EXD3: variants seen among roughly 807,000 people sequenced by gnomAD.
EXD3 encodes exonuclease 3'-5' domain containing 3, also known as exonuclease mut-7 homolog.
In EXD3, 92 loss-of-function variants were observed where a neutral mutation model predicts 98.0. The ratio of observed to expected loss-of-function variants is 0.94; its 90% confidence interval spans 0.79 to 1.12. The LOEUF is 1.12. EXD3 is among the 50% of genes most tolerant of loss of function. The pLI, the probability that EXD3 is intolerant of heterozygous loss-of-function variation, is 0.00. For synonymous variants in EXD3, 569 were observed against 526.0 expected, an observed-to-expected ratio of 1.08 and a Z score of -1.12; for missense variants, 1,222 against 1,191.6, an observed-to-expected ratio of 1.03 and a Z score of -0.38.
intron 19 of EXD3, among the ~76,000 whole-genome samples, chr9:137,320,392 C>T (rs1048592519): frequency 6.6e-6 from 1 of 152,218 alleles, no homozygotes; most frequent in African/African-American, 2.4e-5. Flanking sequence ...GCTGGCGCTG[C>T]CCTCTCCAGC....
chr9:137,366,369 C>T, intron 7 of EXD3, 124 bp downstream of exon 7: 1 of 1,397,696 alleles, frequency 7.2e-7, no homozygotes, highest in Middle Eastern at 1.7e-4. Context: ...CAGCTGTGAC[C>T]CAAACACCAG....
chr9:137,408,546 C>CAAAAAAAAAAAAAAAAAAAAAAAAAAAAA (rs570243090), intron 1 of EXD3, among the ~76,000 whole-genome samples: 18 of 44,460 alleles, frequency 4.0e-4, no homozygotes, highest in Non-Finnish European at 5.6e-4. Context: ...GACTCTGCCT[C>CAAAAAAAAAAAAAAAAAAAAAAAAAAAAA]AAAAAAAAAA....
intron 19 of EXD3, among the ~76,000 whole-genome samples, chr9:137,319,459 C>T (rs1436156766): frequency 2.0e-5 from 3 of 152,216 alleles, no homozygotes; most frequent in Non-Finnish European, 4.4e-5. Flanking sequence ...TTCCCAGCTG[C>T]CTGCTCAGGC....
At chr9:137,335,012 G>A (rs925689354) in intron 17 of EXD3, among the ~76,000 whole-genome samples, 2 of 152,012 alleles carry the variant, frequency 1.3e-5, no homozygotes, top group Admixed American at 6.6e-5. Flanking sequence ...GGGAGGTAGA[G>A]GTTGCAGTGA....
chr9:137,362,269 T>C (rs1383053310), intron 7 of EXD3, among the ~76,000 whole-genome samples: 2 of 152,082 alleles, frequency 1.3e-5, no homozygotes, highest in Admixed American at 6.6e-5. Context: ...CCTAACAAAA[T>C]TTAAGCAAAT....
intron 5 of EXD3, among the ~76,000 whole-genome samples, chr9:137,368,893 C>T (rs1257451004): frequency 9.1e-6 from 1 of 109,812 alleles, no homozygotes; most frequent in Non-Finnish European, 1.9e-5. Flanking sequence ...AGGTCCGGGG[C>T]GGGGCCCCAG....
Position 137,347,968 on chromosome 9 carries a change from C to T in EXD3, c.1998+103G>A, listed in dbSNP as rs1588311201. ...GAGCCTGCCTGGCACAGCTGGCAGC[C>T]ATGGATGAGCTGGAGGGAGGAGTTT... On this transcript the variant is annotated intron_variant, in intron 17 of 21. Transcript: ENST00000340951. The surrounding 1 kb of genome is among the most constrained non-coding windows in gnomAD (Gnocchi z 4.2). 7.4e-7 allele frequency: 1 copy of T among 1,348,302 alleles called. No homozygotes were observed. The highest frequency in any genetic ancestry group is 2.5e-5 in the East Asian group (1 of 39,460). 83.5% of individuals were successfully genotyped at this position (1,348,302 alleles called of 1,614,324 possible).
chr9:137,367,684 A>G, intron 6 of EXD3: 1 of 456,942 alleles, frequency 2.2e-6, no homozygotes. Context: ...CAGCTGCTGC[A>G]CGGAGCACAC....
chr9:137,418,376 C>T (rs762634508), intron 1 of EXD3, among the ~76,000 whole-genome samples: 1 of 152,136 alleles, frequency 6.6e-6, no homozygotes, highest in Non-Finnish European at 1.5e-5. Flanking sequence ...AACAAACAAA[C>T]GTCTGAGTCA....
intron 14 of EXD3, 113 bp downstream of exon 14, chr9:137,350,925 C>A: frequency 1.2e-6 from 1 of 812,716 alleles, no homozygotes; most frequent in Admixed American, 2.4e-5. Context: ...GCTGTGCTGA[C>A]AGGAATCCGG....
At chr9:137,354,050 G>A (rs1348194407) in intron 10 of EXD3, 6 of 1,203,114 alleles carry the variant, frequency 5.0e-6, no homozygotes, top group South Asian at 3.8e-5. Flanking sequence ...GCCCCCACCC[G>A]GCCCCACAGG....
Position 137,347,989 on chromosome 9 carries a change from A to T in EXD3, c.1998+82T>A. On this transcript the variant is annotated intron_variant, in intron 17 of 21. Coordinates refer to ENST00000340951, the MANE Select transcript of EXD3 (RefSeq NM_017820.5). The surrounding 1 kb of genome is among the most constrained non-coding windows in gnomAD (Gnocchi z 4.2). ...CAGCCATGGATGAGCTGGAGGGAGG[A>T]GTTTGATGCTAGGGGTGGGCACACC... is the stretch of plus-strand genomic sequence containing the variant. The T allele has an allele frequency of 1.4e-6, 2 of 1,424,656 alleles. No individual in the cohort carries two copies. Among genetic ancestry groups the T allele is most frequent in the Non-Finnish European group, 1.9e-6 (2 of 1,059,736 alleles). The allele number at this position is 1,424,656 out of a possible 1,614,324, so 88.3% of individuals were successfully genotyped here.
At chr9:137,404,579 G>A (rs145916369) in intron 1 of EXD3, among the ~76,000 whole-genome samples, 75 of 152,322 alleles carry the variant, frequency 4.9e-4, no homozygotes, top group African/African-American at 1.4e-3. Context: ...ACTAAAAGCC[G>A]GCCAGGCGCG....
intron 1 of EXD3, among the ~76,000 whole-genome samples, chr9:137,404,300 A>G (rs1303588445): frequency 2.0e-5 from 3 of 151,994 alleles, no homozygotes; most frequent in Non-Finnish European, 2.9e-5. Flanking sequence ...GAGGCTCCCC[A>G]CGCCAGCTCT....
rs561156263 is a variant in EXD3, at chr9:137,323,801, G to C, written c.2108C>G (p.Ala703Gly). Residue 703 changes from alanine to glycine, a missense_variant, in exon 19 of 22, where the codon GCC becomes GGC. Ala to Gly is a moderately conservative substitution (Grantham distance 60). Coordinates refer to ENST00000340951, the MANE Select transcript of EXD3 (RefSeq NM_017820.5). The part of the protein sequence containing the change: ...RCLSVDCSLK[A>G]QQQAKAVLKH... ...GAGCACAGCCTTGGCCTGCTGCTGG[G>C]CCTTCAGGGAGCAGTCGACCGAGAG... 1 of 1,612,320 alleles carries C rather than the reference G, an allele frequency of 6.2e-7. No homozygotes were observed. The highest frequency in any genetic ancestry group is 2.2e-5 in the East Asian group (1 of 44,878).
intron 2 of EXD3, among the ~76,000 whole-genome samples, chr9:137,384,103 A>G (rs1192357795): frequency 1.3e-5 from 2 of 152,136 alleles, no homozygotes; most frequent in African/African-American, 2.4e-5. Context: ...TGAGGACAGG[A>G]GCCTGGGTGG....
chr9:137,314,883 C>T (rs1183700649), intron 19 of EXD3, among the ~76,000 whole-genome samples: 2 of 152,314 alleles, frequency 1.3e-5, no homozygotes, highest in East Asian at 1.9e-4. Flanking sequence ...TCTGGGCACA[C>T]GTGCGCAACA....
intron 1 of EXD3, among the ~76,000 whole-genome samples, chr9:137,397,067 C>T (rs956525829): frequency 2.0e-5 from 3 of 152,196 alleles, no homozygotes; most frequent in Non-Finnish European, 4.4e-5. Flanking sequence ...GGACCCGCGG[C>T]CCCAGGGCTG....
chr9:137,358,198 A>T (rs1834887192), intron 7 of EXD3, among the ~76,000 whole-genome samples: 1 of 152,170 alleles, frequency 6.6e-6, no homozygotes, highest in African/African-American at 2.4e-5. Context: ...CACAGCCCTA[A>T]CTGCTCCTGC....
Sources: allele counts gnomAD v4.1 joint callset (sites outside exome capture counted in the v4.1 genomes callset), GRCh38; gene constraint gnomAD v4.1.1; non-coding constraint Gnocchi (gnomAD v3.1); transcripts MANE v1.5; gene names NCBI Gene and HGNC (gene_info 2026-07-23, HGNC 2026-07-21).